ROBO1: variants seen among roughly 807,000 people sequenced by gnomAD.
The protein encoded by ROBO1 is roundabout guidance receptor 1.
In ROBO1, 149 loss-of-function variants were observed where a neutral mutation model predicts 195.9. That is an observed-to-expected ratio of 0.76 (90% CI 0.67 to 0.87). The LOEUF (loss-of-function observed/expected upper bound fraction) is 0.87. ROBO1 is among the 40% of genes least tolerant of loss of function. ROBO1 has a pLI of 0.00. For missense variants in ROBO1, 1,933 were observed against 2,068.3 expected (o/e 0.93, Z 1.27); for synonymous variants, 816 against 733.2 (o/e 1.11, Z -1.82).
At chr3:79,599,703 A>C (rs891945390) in intron 1 of ROBO1, among the ~76,000 whole-genome samples, 3 of 151,988 alleles carry the variant, frequency 2.0e-5, no homozygotes, top group African/African-American at 7.2e-5. Flanking sequence ...TACTAACATA[A>C]AGGCAAATGT....
At chr3:79,526,153 A>G (rs940006902) in intron 2 of ROBO1, among the ~76,000 whole-genome samples, 1 of 152,176 alleles carries the variant, frequency 6.6e-6, no homozygotes, top group African/African-American at 2.4e-5. Context: ...GTAATTGCAA[A>G]ATGTTTTAAA....
intron 1 of ROBO1, among the ~76,000 whole-genome samples, chr3:79,646,227 T>C (rs902618228): frequency 6.6e-6 from 1 of 151,878 alleles, no homozygotes; most frequent in South Asian, 2.1e-4. Context: ...ACAATAATAA[T>C]TTGATTAAAA....
At chr3:79,470,150 G>A (rs1938190394) in intron 2 of ROBO1, among the ~76,000 whole-genome samples, 1 of 152,038 alleles carries the variant, frequency 6.6e-6, no homozygotes, top group Non-Finnish European at 1.5e-5. Flanking sequence ...ACACAGACTT[G>A]GAACCAACCC....
chr3:79,605,132 ACG>A (rs1416318321), intron 1 of ROBO1, among the ~76,000 whole-genome samples: 2 of 152,032 alleles, frequency 1.3e-5, no homozygotes, highest in African/African-American at 4.8e-5. Context: ...GAAATGTTCA[ACG>A]CAGTTTACAG....
intron 2 of ROBO1, among the ~76,000 whole-genome samples, chr3:79,395,340 A>AAAAAAAAAAAAAAGAAAGAAAGAAAG (rs71631648): frequency 8.4e-6 from 1 of 119,058 alleles, no homozygotes; most frequent in African/African-American, 3.1e-5. Context: ...AAAAAAAAAA[A>AAAAAAAAAAAAAAGAAAGAAAGAAAG]AAAGAAAGAA....
At chr3:79,701,152 C>A (rs186328017) in intron 1 of ROBO1, among the ~76,000 whole-genome samples, 3 of 151,746 alleles carry the variant, frequency 2.0e-5, no homozygotes, top group Admixed American at 1.3e-4. Flanking sequence ...AGCTTTATTT[C>A]TTGAGTCTCT....
chr3:79,113,530 G>A (rs1259982100), intron 3 of ROBO1, among the ~76,000 whole-genome samples: 1 of 152,086 alleles, frequency 6.6e-6, no homozygotes, highest in Non-Finnish European at 1.5e-5. Flanking sequence ...CACTTTGGGA[G>A]GCCGACGTGG....
chr3:78,845,063 T>C (rs2106790318), intron 4 of ROBO1, among the ~76,000 whole-genome samples: 1 of 152,144 alleles, frequency 6.6e-6, no homozygotes, highest in East Asian at 1.9e-4. Flanking sequence ...CCTCAAGTTC[T>C]ACCTTAAGAC....
chr3:79,242,584 A>G (rs902098343), intron 2 of ROBO1, among the ~76,000 whole-genome samples: 1 of 152,214 alleles, frequency 6.6e-6, no homozygotes, highest in African/African-American at 2.4e-5. Context: ...GGGGTGCTAC[A>G]GAGAGCAATG....
intron 3 of ROBO1, among the ~76,000 whole-genome samples, chr3:78,976,198 C>T (rs2076881304): frequency 6.6e-6 from 1 of 152,118 alleles, no homozygotes; most frequent in Non-Finnish European, 1.5e-5. Context: ...AGGCACAGTA[C>T]TGAGAAATAA....
At chr3:79,095,478 G>A (rs1245061334) in intron 3 of ROBO1, among the ~76,000 whole-genome samples, 2 of 152,006 alleles carry the variant, frequency 1.3e-5, no homozygotes, top group African/African-American at 2.4e-5. Context: ...CTAGCTATGT[G>A]AGTGAGTCTT....
intron 2 of ROBO1, among the ~76,000 whole-genome samples, chr3:79,365,425 C>A (rs77733308): frequency 1.3e-5 from 2 of 152,124 alleles, no homozygotes; most frequent in Non-Finnish European, 2.9e-5. Context: ...GGGAACTCTG[C>A]GTCGGTTGCT....
intron 2 of ROBO1, among the ~76,000 whole-genome samples, chr3:79,552,643 T>C (rs1056355188): frequency 3.9e-5 from 6 of 152,124 alleles, no homozygotes; most frequent in Non-Finnish European, 7.4e-5. Context: ...TCTGAACCAA[T>C]ACAAATTATT....
chr3:78,621,087 T>G (rs1704430148), intron 26 of ROBO1, among the ~76,000 whole-genome samples: 1 of 151,992 alleles, frequency 6.6e-6, no homozygotes, highest in African/African-American at 2.4e-5. Flanking sequence ...GCATTATTTT[T>G]CATTTCTGGG....
At chr3:79,587,532 T>C (rs1356113421) in intron 2 of ROBO1, among the ~76,000 whole-genome samples, 1 of 151,800 alleles carries the variant, frequency 6.6e-6, no homozygotes, top group Non-Finnish European at 1.5e-5. Context: ...TTTCCTTATC[T>C]GATTGTTTAT....
chr3:78,924,601 G>C (rs964774774), intron 4 of ROBO1, among the ~76,000 whole-genome samples: 4 of 152,016 alleles, frequency 2.6e-5, no homozygotes, highest in Admixed American at 1.3e-4. Flanking sequence ...TTCAGTGTGT[G>C]TGTGTGTTTG....
At chr3:79,623,178 A>C (rs1945063260) in intron 1 of ROBO1, among the ~76,000 whole-genome samples, 1 of 152,156 alleles carries the variant, frequency 6.6e-6, no homozygotes, top group Admixed American at 6.5e-5. Flanking sequence ...CCTTCACAAT[A>C]ACTCCATCCA....
intron 2 of ROBO1, among the ~76,000 whole-genome samples, chr3:79,425,593 T>C (rs554966570): frequency 1.5e-4 from 23 of 151,996 alleles, no homozygotes; most frequent in Admixed American, 6.6e-4. Flanking sequence ...CCAAGGCAAA[T>C]GTCAAATTGT....
At chr3:78,863,593 C>T (rs867321761) in intron 4 of ROBO1, among the ~76,000 whole-genome samples, 1 of 152,218 alleles carries the variant, frequency 6.6e-6, no homozygotes, top group South Asian at 2.1e-4. Flanking sequence ...GGACTAAAGC[C>T]AAAAATTACA....
Sources: allele counts gnomAD v4.1 joint callset (sites outside exome capture counted in the v4.1 genomes callset), GRCh38; gene constraint gnomAD v4.1.1; transcripts MANE v1.5; gene names NCBI Gene and HGNC (gene_info 2026-07-23, HGNC 2026-07-21).